PDHX: variants seen among roughly 807,000 people sequenced by gnomAD.
PDHX encodes pyruvate dehydrogenase protein X component, mitochondrial.
In PDHX, 33 loss-of-function variants were observed where a neutral mutation model predicts 55.3. That is an observed-to-expected ratio of 0.60 (90% CI 0.45 to 0.80). The LOEUF (loss-of-function observed/expected upper bound fraction) is 0.80, where lower values mean the gene tolerates loss of function less well. Among genes scored for constraint, PDHX ranks in the 30% least tolerant of loss-of-function variants. The pLI is 0.00. For missense variants in PDHX, 622 were observed against 619.9 expected, an observed-to-expected ratio of 1.00 and a Z score of -0.04; for synonymous variants, 226 against 219.4, an observed-to-expected ratio of 1.03 and a Z score of -0.27.
intron 2 of PDHX, among the ~76,000 whole-genome samples, chr11:34,939,251 A>G (rs972391546): frequency 1.3e-5 from 2 of 152,202 alleles, no homozygotes; most frequent in African/African-American, 4.8e-5. Flanking sequence ...TTTTAAATGT[A>G]TGGTCACCAT....
In PDHX at chr11:34,957,365, ACTT is replaced by A. The variant is rs563029223; in HGVS notation, c.343-15_343-13del. On this transcript the variant is annotated splice_polypyrimidine_tract_variant and intron_variant, in intron 3 of 10. Coordinates refer to ENST00000227868, the MANE Select transcript of PDHX (RefSeq NM_003477.3). ...CATGGGGTTTTACTTCTCTACAGTT[ACTT>A]CTTTTTTAAATATAGGTTGAAGAAG... is the stretch of plus-strand genomic sequence containing the variant. 2,701 of 1,497,208 alleles carry A rather than the reference ACTT, an allele frequency of 1.8e-3. 6 individuals are homozygous for A. The highest frequency in any genetic ancestry group is 2.4e-3 in the Non-Finnish European group (2,538 of 1,073,550). The allele number at this position is 1,497,208 out of a possible 1,614,324, so 92.7% of individuals were successfully genotyped here. A position where few individuals can be genotyped will look rare whatever the true frequency, so the allele number is the denominator to read the frequency against.
intron 1 of PDHX, among the ~76,000 whole-genome samples, chr11:34,923,604 T>G (rs553203625): frequency 6.7e-5 from 10 of 149,796 alleles, no homozygotes; most frequent in African/African-American, 2.5e-4. Flanking sequence ...GTAATACTAG[T>G]ACAGATTTTT....
At chr11:34,950,425 G>T (rs1045472807) in intron 3 of PDHX, among the ~76,000 whole-genome samples, 13 of 150,258 alleles carry the variant, frequency 8.7e-5, no homozygotes, top group African/African-American at 2.9e-4. Context: ...TGCACAATGT[G>T]CAGGTTAGTT....
At chr11:34,926,428 G>A (rs1590729131) in intron 1 of PDHX, among the ~76,000 whole-genome samples, 1 of 152,242 alleles carries the variant, frequency 6.6e-6, no homozygotes, top group African/African-American at 2.4e-5. Context: ...GCCACACTAA[G>A]AAAGTACTGG....
At chr11:34,959,825 A>G (rs2767034) in intron 4 of PDHX, among the ~76,000 whole-genome samples, 91,210 of 151,920 alleles carry the variant, frequency 0.6, 28,882 homozygotes, top group East Asian at 0.75. Context: ...GTATGATTCT[A>G]CTTATGTGAG....
intron 7 of PDHX, among the ~76,000 whole-genome samples, chr11:34,977,008 C>G (rs1039433133): frequency 6.6e-6 from 1 of 152,134 alleles, no homozygotes; most frequent in African/African-American, 2.4e-5. Flanking sequence ...ATTTATATTT[C>G]TATTCCTAAA....
chr11:34,932,089 A>G (rs1008041714), intron 2 of PDHX, among the ~76,000 whole-genome samples: 4 of 152,124 alleles, frequency 2.6e-5, no homozygotes, highest in Non-Finnish European at 5.9e-5. Context: ...AGTATATAAT[A>G]AAGGAAGACA....
At chr11:34,918,561 T>C (rs951626075) in intron 1 of PDHX, among the ~76,000 whole-genome samples, 5 of 152,138 alleles carry the variant, frequency 3.3e-5, no homozygotes, top group African/African-American at 1.2e-4. Context: ...CCTAGACATA[T>C]ACCATGAACA....
rs774504089 is a variant in PDHX at position 34,916,717 on chromosome 11, C to T, written c.62C>T (p.Pro21Leu). The change falls in exon 1 of 11, where the codon CCC becomes CTC. Residue 21 changes from proline (P) to leucine (L), a missense_variant. By Grantham distance (98) the Pro-to-Leu change is moderately conservative. Coordinates refer to ENST00000227868, the MANE Select transcript of PDHX (RefSeq NM_003477.3). ...PRLLRYLVGF[P>L]GRRSVGLVKG... is the part of the protein sequence containing the mutation. Reference sequence around the variant, plus strand: ...CTGCTGCGTTATCTTGTGGGCTTCCCCGGCCGCCGAAGCGTAGGGCTGGTG... The same window carrying T: ...CTGCTGCGTTATCTTGTGGGCTTCCTCGGCCGCCGAAGCGTAGGGCTGGTG... The T allele has an allele frequency of 2.0e-5, 32 of 1,613,264 alleles. 1 individual carries two copies. The South Asian group carries it at 2.9e-4, about 14-fold the overall frequency.
At chr11:34,993,610 A>G (rs934798889) in intron 10 of PDHX, among the ~76,000 whole-genome samples, 3 of 151,702 alleles carry the variant, frequency 2.0e-5, no homozygotes, top group Non-Finnish European at 4.4e-5. Flanking sequence ...GTTCTGTGCT[A>G]TTTTTTTTCC....
At position 34,941,206 on chromosome 11, in the gene PDHX, T is replaced by C. The variant is rs368870222; in HGVS notation, c.242-6300T>C. Among the ~76,000 whole-genome samples, 234 of 152,304 alleles carry C rather than the reference T, an allele frequency of 1.5e-3. 5 individuals carry two copies. In the South Asian group the frequency reaches 0.046, roughly 30 times the overall value. On this transcript the variant is annotated intron_variant, in intron 2 of 10. Coordinates refer to ENST00000227868, the MANE Select transcript of PDHX (RefSeq NM_003477.3). ...TAGCAACCAGGTTGCCTCAGGTCTTTGGCCATGCAAATATTATCCTTCTTT... is the reference window on the plus strand; with the variant it reads ...TAGCAACCAGGTTGCCTCAGGTCTTCGGCCATGCAAATATTATCCTTCTTT...
chr11:34,949,214 A>T (rs1045308821), intron 3 of PDHX, among the ~76,000 whole-genome samples: 8 of 150,058 alleles, frequency 5.3e-5, no homozygotes, highest in African/African-American at 2.0e-4. Context: ...TCAGGGACAA[A>T]CTAGTAAATC....
intron 3 of PDHX, among the ~76,000 whole-genome samples, chr11:34,952,973 A>G (rs202224357): frequency 1.1e-4 from 17 of 152,054 alleles, no homozygotes; most frequent in African/African-American, 2.9e-4. Context: ...TCCTTAAGCT[A>G]ATAAGCAACT....
At chr11:34,947,894 C>T (rs1221503945) in intron 3 of PDHX, among the ~76,000 whole-genome samples, 2 of 152,112 alleles carry the variant, frequency 1.3e-5, no homozygotes, top group Non-Finnish European at 2.9e-5. Context: ...ATGGTAGAAA[C>T]ATGACTATTT....
intron 8 of PDHX, among the ~76,000 whole-genome samples, 165 bp from the exon 9 acceptor site, chr11:34,984,405 G>A (rs1855595227): frequency 6.6e-6 from 1 of 152,104 alleles, no homozygotes; most frequent in Non-Finnish European, 1.5e-5. Flanking sequence ...AAACATAAAA[G>A]ATAATTGACA....
At chr11:34,931,299 C>T in intron 1 of PDHX, 105 bp from the exon 2 acceptor site, 1 of 717,862 alleles carries the variant, frequency 1.4e-6, no homozygotes, top group East Asian at 2.7e-5. Context: ...TTTGGAATAC[C>T]TTCTTTTTCA....
At chr11:34,991,394 G>A (rs1178299477) in intron 9 of PDHX, among the ~76,000 whole-genome samples, 3 of 152,090 alleles carry the variant, frequency 2.0e-5, no homozygotes, top group Non-Finnish European at 4.4e-5. Context: ...TTAGGCAGGT[G>A]CAGTCTTTAG....
chr11:34,921,396 T>TGCTCACCATCATTTCTGTAATC (rs1414325740), intron 1 of PDHX, among the ~76,000 whole-genome samples: 4 of 151,852 alleles, frequency 2.6e-5, no homozygotes, highest in African/African-American at 9.7e-5. Flanking sequence ...TTTGTTTAAG[T>TGCTCACCATCATTTCTGTAATC]GCTCACCATC....
At chr11:34,929,175 C>T (rs1478793162) in intron 1 of PDHX, among the ~76,000 whole-genome samples, 3 of 152,052 alleles carry the variant, frequency 2.0e-5, no homozygotes, top group Non-Finnish European at 4.4e-5. Flanking sequence ...ATATAATGCA[C>T]TTAGAGATAA....
Sources: gnomAD v4.1 joint callset for allele counts (sites outside exome capture counted in the v4.1 genomes callset) on GRCh38, gnomAD v4.1.1 for gene constraint, MANE v1.5 for transcripts, NCBI Gene and HGNC (gene_info 2026-07-23, HGNC 2026-07-21) for gene names.